Variants in ANKS1A observed in about 807,000 individuals in gnomAD.
The protein encoded by ANKS1A is ankyrin repeat and sterile alpha motif domain containing 1A.
ANKS1A carries 55 observed loss-of-function variants against 120.3 expected under a neutral mutation model. The ratio of observed to expected loss-of-function variants is 0.46; its 90% confidence interval spans 0.37 to 0.57. ANKS1A has a LOEUF of 0.57. ANKS1A is among the 20% of genes least tolerant of loss of function. The probability of loss-of-function intolerance (pLI) is 0.00; values close to 1 mark genes in which losing one functional copy is unlikely to be tolerated. For synonymous variants in ANKS1A, 590 were observed against 604.7 expected, an observed-to-expected ratio of 0.98 and a Z score of 0.36; for missense variants, 1,123 against 1,480.3, an observed-to-expected ratio of 0.76 and a Z score of 3.96.
intron 1 of ANKS1A, among the ~76,000 whole-genome samples, chr6:34,953,813 T>A (rs1252993073): frequency 6.6e-6 from 1 of 152,162 alleles, no homozygotes; most frequent in Non-Finnish European, 1.5e-5. Context: ...TGCACTGTAA[T>A]GATTGTTTTG....
At chr6:34,913,553 C>T (rs1581684633) in intron 1 of ANKS1A, among the ~76,000 whole-genome samples, 1 of 152,144 alleles carries the variant, frequency 6.6e-6, no homozygotes, top group Non-Finnish European at 1.5e-5. Context: ...GTGATTCTCC[C>T]GCCTTGGCCT....
chr6:34,941,261 C>G (rs1352348853), intron 1 of ANKS1A, among the ~76,000 whole-genome samples: 1 of 152,174 alleles, frequency 6.6e-6, no homozygotes, highest in Non-Finnish European at 1.5e-5. Flanking sequence ...GTTGGGATTA[C>G]AGGTGTGAGC....
Position 35,025,815 on chromosome 6 carries a change from G to C in ANKS1A, c.2010+7756G>C, listed in dbSNP as rs147151628. Among the ~76,000 whole-genome samples the C allele has an allele frequency of 2.2e-3, 339 of 151,880 alleles. 1 individual carries two copies. The highest frequency in any genetic ancestry group is 3.7e-3 in the Non-Finnish European group (254 of 67,968). On this transcript the variant is annotated intron_variant, in intron 11 of 23. Transcript: ENST00000360359. ...TCTTTTTAACATTTTTTCCAGGGTT[G>C]ACCCACATTTCTATTCTGCACCAGC...
At chr6:35,030,255 G>T (rs1774838000) in intron 11 of ANKS1A, among the ~76,000 whole-genome samples, 1 of 152,102 alleles carries the variant, frequency 6.6e-6, no homozygotes, top group Admixed American at 6.5e-5. Flanking sequence ...AAAAATATTG[G>T]TCTTTGTGTA....
intron 14 of ANKS1A, 56 bp from the exon 15 acceptor site, chr6:35,079,460 G>A (rs1238010829): frequency 1.9e-6 from 3 of 1,601,802 alleles, no homozygotes; most frequent in South Asian, 2.2e-5. Context: ...ATGGTCCTCG[G>A]GTCCCTCTCC....
At chr6:34,934,336 G>T (rs1769140862) in intron 1 of ANKS1A, among the ~76,000 whole-genome samples, 1 of 152,096 alleles carries the variant, frequency 6.6e-6, no homozygotes, top group African/African-American at 2.4e-5. Context: ...TTTTAGTAGA[G>T]ATGGGGTTTC....
intron 1 of ANKS1A, among the ~76,000 whole-genome samples, chr6:34,929,819 T>G (rs1468939306): frequency 2.2e-5 from 3 of 138,512 alleles, no homozygotes; most frequent in African/African-American, 8.4e-5. Flanking sequence ...CTCTCTCTCT[T>G]TCTCTTTCTT....
intron 11 of ANKS1A, among the ~76,000 whole-genome samples, chr6:35,039,106 T>A (rs903457788): frequency 6.6e-6 from 1 of 151,212 alleles, no homozygotes; most frequent in Non-Finnish European, 1.5e-5. Flanking sequence ...GGGGGTTATA[T>A]GCATTTTTAT....
chr6:34,933,660 A>G (rs898187000), intron 1 of ANKS1A, among the ~76,000 whole-genome samples: 5 of 152,230 alleles, frequency 3.3e-5, no homozygotes, highest in Admixed American at 6.5e-5. Flanking sequence ...AAATAAATTT[A>G]TACATGGAAA....
At chr6:34,936,086 ATACT>A in intron 1 of ANKS1A, among the ~76,000 whole-genome samples, 1 of 151,420 alleles carries the variant, frequency 6.6e-6, no homozygotes, top group African/African-American at 2.4e-5. Flanking sequence ...AAAAAAAAAA[ATACT>A]TTCTCCTGGT....
At chr6:35,039,596 T>TA (rs1334502140) in intron 11 of ANKS1A, 2 of 456,604 alleles carry the variant, frequency 4.4e-6, no homozygotes, top group African/African-American at 4.0e-5. Flanking sequence ...CCCACACACT[T>TA]ACCAAATTAA....
At chr6:34,999,567 ATTACGGTG>A (rs1215759714) in intron 10 of ANKS1A, among the ~76,000 whole-genome samples, 1 of 152,164 alleles carries the variant, frequency 6.6e-6, no homozygotes, top group Non-Finnish European at 1.5e-5. Context: ...TTTAAGGGAG[ATTACGGTG>A]TTACTATGAC....
intron 13 of ANKS1A, among the ~76,000 whole-genome samples, chr6:35,065,099 C>T (rs948502830): frequency 6.6e-6 from 1 of 152,192 alleles, no homozygotes; most frequent in Non-Finnish European, 1.5e-5. Flanking sequence ...CTCACCATCT[C>T]TGCCAGACTC....
At chr6:34,939,682 C>T (rs1769432659) in intron 1 of ANKS1A, among the ~76,000 whole-genome samples, 1 of 151,592 alleles carries the variant, frequency 6.6e-6, no homozygotes, top group South Asian at 2.1e-4. Flanking sequence ...CACTGCACTC[C>T]AGCCTAGATG....
intron 10 of ANKS1A, among the ~76,000 whole-genome samples, chr6:35,012,003 T>C (rs1419459703): frequency 2.0e-5 from 3 of 152,204 alleles, no homozygotes; most frequent in East Asian, 1.9e-4. Flanking sequence ...AACCCTAGTG[T>C]GACTGAATCC....
At chr6:35,015,624 G>A (rs1052767179) in intron 10 of ANKS1A, among the ~76,000 whole-genome samples, 1 of 152,154 alleles carries the variant, frequency 6.6e-6, no homozygotes, top group Non-Finnish European at 1.5e-5. Context: ...CTCTAGACTC[G>A]TGAAAAGCTG....
intron 11 of ANKS1A, among the ~76,000 whole-genome samples, chr6:35,048,636 C>T (rs1775830221): frequency 6.6e-6 from 1 of 152,184 alleles, no homozygotes; most frequent in Non-Finnish European, 1.5e-5. Context: ...GACCCTTTTT[C>T]AGATGTGGAA....
chr6:35,048,179 C>T (rs780720365), intron 11 of ANKS1A, among the ~76,000 whole-genome samples: 10 of 152,080 alleles, frequency 6.6e-5, no homozygotes, highest in Non-Finnish European at 1.0e-4. Context: ...TCAGGGAAGA[C>T]GGACAAAGCA....
In ANKS1A at chr6:34,983,366, C is replaced by T; in HGVS notation, c.953C>T (p.Thr318Ile). The T allele has an allele frequency of 6.2e-7, 1 of 1,612,846 alleles. No individual in the cohort carries two copies. The highest frequency in any genetic ancestry group is 8.5e-7 in the Non-Finnish European group (1 of 1,179,386). Residue 318 changes from threonine (T) to isoleucine (I), a missense_variant, in exon 7 of 24, where the codon ACC becomes ATC. Transcript: ENST00000360359. ...GKRSTKEVDK[T>I]PPPQPPLISS... ...AGAAGTACAAAAGAAGTAGATAAAA[C>T]CCCCCCACCCCAGCCACCTCTCATC...
Sources: gnomAD v4.1 joint callset for allele counts (sites outside exome capture counted in the v4.1 genomes callset) on GRCh38, gnomAD v4.1.1 for gene constraint, MANE v1.5 for transcripts, NCBI Gene and HGNC (gene_info 2026-07-23, HGNC 2026-07-21) for gene names.